Variants in APC observed in about 807,000 individuals in gnomAD.
The protein encoded by APC is APC regulator of Wnt signaling pathway.
A neutral mutation model predicts 247.0 loss-of-function variants in APC; 72 were observed. The observed-to-expected ratio is 0.29, with a 90% CI of 0.24 to 0.35. The LOEUF is 0.35. Among genes scored for constraint, APC ranks in the 10% least tolerant of loss-of-function variants. The pLI, the probability that APC is intolerant of heterozygous loss-of-function variation, is 1.00. For missense variants in APC, 3,400 were observed against 3,360.7 expected (o/e 1.01, Z -0.29); for synonymous variants, 1,254 against 1,162.5 (o/e 1.08, Z -1.60).
chr5:112,755,093 A>AGGT (rs1299059035), intron 2 of APC, 68 bp downstream of exon 2: 1 of 1,602,502 alleles, frequency 6.2e-7, no homozygotes, highest in Non-Finnish European at 8.5e-7. Flanking sequence ...TGTAAACTTG[A>AGGT]GGTAAGACAC....
chr5:112,728,246 A>G (rs1334762729), intron 1 of APC, among the ~76,000 whole-genome samples: 4 of 151,136 alleles, frequency 2.6e-5, no homozygotes, highest in Non-Finnish European at 4.4e-5. Flanking sequence ...CCCTGCCTCA[A>G]CCTCCTGAGT....
intron 4 of APC, among the ~76,000 whole-genome samples, chr5:112,770,919 T>C (rs1264713412): frequency 3.3e-5 from 5 of 152,156 alleles, no homozygotes; most frequent in Non-Finnish European, 7.4e-5. Context: ...TGACTGTGTC[T>C]ACTGAAGCCC....
At chr5:112,727,924 A>C (rs1751881919) in intron 1 of APC, among the ~76,000 whole-genome samples, 3 of 151,810 alleles carry the variant, frequency 2.0e-5, no homozygotes, top group Non-Finnish European at 4.4e-5. Flanking sequence ...AGGCAAGCAT[A>C]AAACCTTGTT....
intron 7 of APC, among the ~76,000 whole-genome samples, chr5:112,797,666 T>C (rs762391305): frequency 1.2e-4 from 19 of 152,310 alleles, no homozygotes; most frequent in Non-Finnish European, 2.2e-4. Flanking sequence ...GTGAGGACAA[T>C]GCAGTGTGTC....
intron 15 of APC, among the ~76,000 whole-genome samples, chr5:112,836,165 T>TCC (rs59050067): frequency 2.9e-4 from 7 of 24,490 alleles, no homozygotes; most frequent in African/African-American, 5.2e-4. Flanking sequence ...GGATTACAGG[T>TCC]CCCCCCCCCC....
Position 112,843,896 on chromosome 5 carries a change from A to G in APC, c.8302A>G (p.Ser2768Gly), listed in dbSNP as rs1766709674. ...TACCCCATTCAGTTCTAGCAGCTCA[A>G]GCAAACACAGTTCACCTAGTGGGAC... ...ERTPFSSSSSSKHSSPSGTVA... is the reference protein window; with the variant it reads ...ERTPFSSSSSGKHSSPSGTVA... Residue 2768 changes from serine (S) to glycine (G), a missense_variant, in exon 16 of 16, where the codon AGC (serine) becomes GGC (glycine). By Grantham distance (56) the Ser-to-Gly change is moderately conservative. Transcript: ENST00000257430. The surrounding 1 kb of genome is among the most constrained non-coding windows in gnomAD (Gnocchi z 4.8). 1 of 1,614,000 alleles carries G rather than the reference A, an allele frequency of 6.2e-7. No homozygotes were observed. The highest frequency in any genetic ancestry group is 8.5e-7 in the Non-Finnish European group (1 of 1,179,886).
intron 1 of APC, among the ~76,000 whole-genome samples, chr5:112,743,526 T>C (rs1753281528): frequency 6.6e-6 from 1 of 152,240 alleles, no homozygotes; most frequent in African/African-American, 2.4e-5. Flanking sequence ...ATTTAAAGCA[T>C]AGTATAATAT....
At chr5:112,758,588 T>C (rs1027438966) in intron 2 of APC, among the ~76,000 whole-genome samples, 1 of 151,764 alleles carries the variant, frequency 6.6e-6, no homozygotes, top group African/African-American at 2.4e-5. Context: ...CCTCCCAAAG[T>C]GCTGGGATTA....
chr5:112,756,338 C>T (rs1754983894), intron 2 of APC, among the ~76,000 whole-genome samples: 1 of 152,084 alleles, frequency 6.6e-6, no homozygotes, highest in South Asian at 2.1e-4. Flanking sequence ...CTTCAAATCC[C>T]TTGGGAAATA....
chr5:112,839,190 A>G lies in APC; in HGVS notation c.3596A>G (p.Lys1199Arg), dbSNP rs1765466497. 1 of 1,614,172 alleles carries G rather than the reference A, an allele frequency of 6.2e-7. No homozygotes were observed. ...SSQKQSFSFS[K>R]SSSGQSSKTE... is the part of the protein sequence containing the mutation. ...CAGAAACAGTCATTTTCATTCTCAAAGAGTTCATCTGGACAAAGCAGTAAA... is the reference window on the plus strand; with the variant it reads ...CAGAAACAGTCATTTTCATTCTCAAGGAGTTCATCTGGACAAAGCAGTAAA... Residue 1199 changes from lysine (K) to arginine (R), a missense_variant, in exon 16 of 16, where the codon AAG becomes AGG. This residue lies in a region of APC where 715 missense variants were observed against 656.6 expected (regional missense o/e 1.09). Coordinates refer to ENST00000257430, the MANE Select transcript of APC (RefSeq NM_000038.6). This position sits in a 1 kb window ranked among gnomAD's most constrained non-coding sequence, Gnocchi z 5.0.
intron 2 of APC, among the ~76,000 whole-genome samples, chr5:112,762,821 C>T (rs1253359846): frequency 6.6e-6 from 1 of 152,114 alleles, no homozygotes; most frequent in African/African-American, 2.4e-5. Flanking sequence ...GTGTGTTGTG[C>T]CTCAATAAAA....
intron 10 of APC, 32 bp downstream of exon 10, chr5:112,819,376 T>C (rs112367325): frequency 6.2e-7 from 1 of 1,613,826 alleles, no homozygotes; most frequent in South Asian, 1.1e-5. Context: ...TCGTAGTGCA[T>C]GTTTCAAAGC....
At chr5:112,796,757 T>G (rs1760249841) in intron 7 of APC, among the ~76,000 whole-genome samples, 1 of 152,130 alleles carries the variant, frequency 6.6e-6, no homozygotes, top group Admixed American at 6.5e-5. Flanking sequence ...TGTTTTGGTC[T>G]ATTTTTTAAA....
intron 1 of APC, among the ~76,000 whole-genome samples, chr5:112,726,042 C>T (rs1218470757): frequency 6.6e-6 from 1 of 152,254 alleles, no homozygotes; most frequent in African/African-American, 2.4e-5. Context: ...GCTCAAACCC[C>T]TTATGGGAGG....
chr5:112,735,136 T>A (rs1312787323), upstream of APC, among the ~76,000 whole-genome samples: 1 of 152,066 alleles, frequency 6.6e-6, no homozygotes, highest in Non-Finnish European at 1.5e-5. Context: ...GTGCGGTCTT[T>A]AAACAGTGTT....
At chr5:112,751,839 C>A (rs1416461818) in intron 1 of APC, among the ~76,000 whole-genome samples, 1 of 151,874 alleles carries the variant, frequency 6.6e-6, no homozygotes, top group Non-Finnish European at 1.5e-5. Context: ...AGGACTATAT[C>A]CAGTGTTTCC....
In APC at chr5:112,839,223, A is replaced by T. The variant is rs756346998; in HGVS notation, c.3629A>T (p.His1210Leu). The change falls in exon 16 of 16, where the codon CAT becomes CTT. Residue 1210 changes from histidine to leucine, a missense_variant. Around this residue, in one of 9 missense-constraint regions of APC, gnomAD observed 715 missense variants for 656.6 expected, o/e 1.09. Coordinates refer to ENST00000257430, the MANE Select transcript of APC (RefSeq NM_000038.6). The surrounding 1 kb of genome is among the most constrained non-coding windows in gnomAD (Gnocchi z 5.0). ...TCTGGACAAAGCAGTAAAACCGAACATATGTCTTCAAGCAGTGAGAATACG... is the reference window on the plus strand; with the variant it reads ...TCTGGACAAAGCAGTAAAACCGAACTTATGTCTTCAAGCAGTGAGAATACG... ...SSSGQSSKTE[H>L]MSSSSENTST... 1.2e-6 allele frequency: 2 copies of T among 1,614,188 alleles called. No individual in the cohort carries two copies. Among genetic ancestry groups the T allele is most frequent in the Admixed American group, 3.3e-5 (2 of 60,030 alleles).
intron 6 of APC, among the ~76,000 whole-genome samples, chr5:112,790,979 CTA>C (rs1759519344): frequency 1.3e-5 from 2 of 152,168 alleles, no homozygotes; most frequent in South Asian, 2.1e-4. Context: ...ATGTCAATAA[CTA>C]TAGAATTATT....
At chr5:112,713,347 T>A (rs1374034172) in intron 1 of APC, among the ~76,000 whole-genome samples, 1 of 151,530 alleles carries the variant, frequency 6.6e-6, no homozygotes, top group East Asian at 1.9e-4. Flanking sequence ...TGCAGATGGC[T>A]CTGCTCCAGG....
Sources: gnomAD v4.1 joint callset for allele counts (sites outside exome capture counted in the v4.1 genomes callset) on GRCh38, gnomAD v4.1.1 for gene constraint, gnomAD v4.1.1 regional missense constraint, Gnocchi (gnomAD v3.1) non-coding constraint, MANE v1.5 for transcripts, NCBI Gene and HGNC (gene_info 2026-07-23, HGNC 2026-07-21) for gene names.